Variants in ZNF292 observed in about 807,000 individuals in gnomAD.
ZNF292 encodes 16 zinc-finger domain protein.
A neutral mutation model predicts 217.9 loss-of-function variants in ZNF292; 26 were observed. That is an observed-to-expected ratio of 0.12 (90% CI 0.09 to 0.17). ZNF292 has a LOEUF of 0.17. Among genes scored for constraint, ZNF292 ranks in the 10% least tolerant of loss-of-function variants. The probability of loss-of-function intolerance (pLI) is 1.00; values close to 1 mark genes in which losing one functional copy is unlikely to be tolerated. For synonymous variants in ZNF292, 1,257 were observed against 1,124.1 expected (o/e 1.12, Z -2.37); for missense variants, 2,904 against 3,175.2 (o/e 0.91, Z 2.05).
At chr6:87,239,146 C>A (rs374215312) in intron 5 of ZNF292, among the ~76,000 whole-genome samples, 6 of 130,250 alleles carry the variant, frequency 4.6e-5, no homozygotes, top group Non-Finnish European at 8.4e-5. Flanking sequence ...CTTTTCTATT[C>A]GACAAAACCG....
intron 1 of ZNF292, among the ~76,000 whole-genome samples, chr6:87,188,282 G>A (rs1174082234): frequency 6.6e-6 from 1 of 152,156 alleles, no homozygotes; most frequent in Non-Finnish European, 1.5e-5. Context: ...GGAAACAGGT[G>A]TACAAATGGT....
chr6:87,165,458 A>G (rs1770883394), intron 1 of ZNF292, among the ~76,000 whole-genome samples: 1 of 152,186 alleles, frequency 6.6e-6, no homozygotes, highest in Non-Finnish European at 1.5e-5. Flanking sequence ...ACTTTATTTT[A>G]CTTCACCATT....
chr6:87,258,274 A>G lies in ZNF292; in HGVS notation c.4645A>G (p.Asn1549Asp), dbSNP rs376653416. 3 of 1,613,276 alleles carry G rather than the reference A, an allele frequency of 1.9e-6. No individual in the cohort carries two copies. The African/African-American group carries it at 4.0e-5, about 22-fold the overall frequency. ...ATGCCATCCAAACACCTTGCTGACC[A>G]ACCAGAATAGGACGTCAAACTCCAA... ...TVCHPNTLLT[N>D]QNRTSNSKTS... Residue 1549 changes from asparagine to aspartate, a missense_variant, in exon 8 of 8, where the codon AAC (asparagine) becomes GAC (aspartate). Physicochemically the swap from Asn to Asp is conservative, Grantham distance 23. This residue lies in a region of ZNF292 where 622 missense variants were observed against 573.1 expected (regional missense o/e 1.09). Coordinates refer to ENST00000369577, the MANE Select transcript of ZNF292 (RefSeq NM_015021.3).
intron 1 of ZNF292, among the ~76,000 whole-genome samples, chr6:87,167,500 G>A (rs572910132): frequency 2.6e-5 from 4 of 152,184 alleles, no homozygotes; most frequent in African/African-American, 4.8e-5. Flanking sequence ...AATTAGCTGG[G>A]CTTGGTGGCA....
intron 1 of ZNF292, among the ~76,000 whole-genome samples, chr6:87,208,503 G>A (rs80128938): frequency 6.6e-6 from 1 of 151,844 alleles, no homozygotes; most frequent in Non-Finnish European, 1.5e-5. Context: ...TTTGTTCGTA[G>A]ATGTAATATG....
In ZNF292 at chr6:87,260,392, G is replaced by A. The variant is rs373847168; in HGVS notation, c.6763G>A (p.Val2255Ile). The A allele has an allele frequency of 1.2e-6, 2 of 1,613,446 alleles. No individual in the cohort carries two copies. Among genetic ancestry groups the A allele is most frequent in the Non-Finnish European group, 1.7e-6 (2 of 1,179,686 alleles). The change falls in exon 8 of 8, where the codon GTA becomes ATA. Residue 2255 changes from valine (V) to isoleucine (I), a missense_variant. This residue lies in a region of ZNF292 where 55 missense variants were observed against 99.8 expected (regional missense o/e 0.55). Transcript: ENST00000369577. ...LRASKTEEDG[V>I]YKCDCEGCDR... is the part of the protein sequence containing the mutation. ...GGCAAGTAAAACAGAAGAAGATGGT[G>A]TATACAAATGTGATTGTGAAGGCTG...
intron 1 of ZNF292, among the ~76,000 whole-genome samples, chr6:87,205,095 A>G (rs73483769): frequency 0.082 from 12,406 of 152,052 alleles, 856 homozygotes; most frequent in African/African-American, 0.19. Flanking sequence ...GGCCCCAGAC[A>G]TGATATCTCT....
At chr6:87,219,071 T>C (rs1772939441) in intron 4 of ZNF292, among the ~76,000 whole-genome samples, 1 of 152,198 alleles carries the variant, frequency 6.6e-6, no homozygotes, top group Non-Finnish European at 1.5e-5. Context: ...TGAAATGCTT[T>C]TCCTCAAAAT....
chr6:87,243,553 G>A lies in ZNF292; in HGVS notation c.820G>A (p.Val274Ile), dbSNP rs1316573364. The A allele has an allele frequency of 2.6e-6, 4 of 1,559,920 alleles. No homozygotes were observed. The African/African-American group carries it at 4.1e-5, about 16-fold the overall frequency. Residue 274 changes from valine (V) to isoleucine (I), a missense_variant, in exon 6 of 8, where the codon GTT (valine) becomes ATT (isoleucine). Val to Ile is a conservative substitution (Grantham distance 29). Transcript: ENST00000369577. The part of the protein sequence containing the change: ...ESEGDEKSAL[V>I]LCTAFLSRQL... Reference sequence around the variant, plus strand: ...TGAGGGTGATGAAAAAAGCGCTCTTGTTTTATGTACTGCGTTTTTGTCACG... The same window carrying A: ...TGAGGGTGATGAAAAAAGCGCTCTTATTTTATGTACTGCGTTTTTGTCACG...
intron 1 of ZNF292, among the ~76,000 whole-genome samples, chr6:87,163,687 A>G (rs1416119310): frequency 1.3e-5 from 2 of 152,172 alleles, no homozygotes; most frequent in African/African-American, 4.8e-5. Flanking sequence ...TAAGAGAAGT[A>G]GAGCATCTTG....
chr6:87,238,457 G>T (rs1233263275), intron 5 of ZNF292, among the ~76,000 whole-genome samples: 3 of 150,276 alleles, frequency 2.0e-5, no homozygotes, highest in African/African-American at 7.4e-5. Flanking sequence ...TTGCACTCCA[G>T]CCTGGGTGAT....
In ZNF292 at chr6:87,245,552, A is replaced by C; in HGVS notation, c.928A>C (p.Ile310Leu). 1 of 1,560,410 alleles carries C rather than the reference A, an allele frequency of 6.4e-7. No individual in the cohort carries two copies. The highest frequency in any genetic ancestry group is 8.7e-7 in the Non-Finnish European group (1 of 1,152,462). ...SKLQQRVEPSIQVYLERCRQL... is the reference protein window; with the variant it reads ...SKLQQRVEPSLQVYLERCRQL... ...ATTACAACAAAGAGTAGAACCATCT[A>C]TACAAGTGTACCTTGAGAGGTGTCG... The change falls in exon 7 of 8, where the codon ATA becomes CTA. Residue 310 changes from isoleucine (I) to leucine (L), a missense_variant. By Grantham distance (5) the Ile-to-Leu change is conservative. This residue lies in a region of ZNF292 where 313 missense variants were observed against 451.0 expected (regional missense o/e 0.69). Coordinates refer to ENST00000369577, the MANE Select transcript of ZNF292 (RefSeq NM_015021.3).
At position 87,255,641 on chromosome 6, in the gene ZNF292, C is replaced by G; in HGVS notation, c.2012C>G (p.Pro671Arg). The change falls in exon 8 of 8, where the codon CCA (proline) becomes CGA (arginine). Residue 671 changes from proline (P) to arginine (R), a missense_variant. Pro to Arg is a moderately radical substitution (Grantham distance 103). Transcript: ENST00000369577. ...AAATCCTATGAGCCAGAAGTGATTC[C>G]AGTCCAGAAACCAGTACCTGTTAAT... ...KDKSYEPEVI[P>R]VQKPVPVNEF... is the part of the protein sequence containing the mutation. 6.2e-7 allele frequency: 1 copy of G among 1,612,906 alleles called. No individual in the cohort carries two copies. The highest frequency in any genetic ancestry group is 8.5e-7 in the Non-Finnish European group (1 of 1,179,388).
chr6:87,172,611 C>T (rs1386062369), intron 1 of ZNF292, among the ~76,000 whole-genome samples: 2 of 151,986 alleles, frequency 1.3e-5, no homozygotes, highest in Non-Finnish European at 2.9e-5. Flanking sequence ...TTTCTAAATG[C>T]AGAATAACAT....
chr6:87,212,163 A>G (rs1490851040), intron 1 of ZNF292, among the ~76,000 whole-genome samples: 1 of 152,198 alleles, frequency 6.6e-6, no homozygotes, highest in Non-Finnish European at 1.5e-5. Context: ...AAAGGATACA[A>G]ATGAACAGCC....
intron 5 of ZNF292, among the ~76,000 whole-genome samples, chr6:87,234,527 C>T (rs951170364): frequency 1.3e-5 from 2 of 151,578 alleles, no homozygotes; most frequent in African/African-American, 4.9e-5. Flanking sequence ...CCACTGCACT[C>T]CAGCCTGGGT....
At chr6:87,167,659 C>A (rs1218623129) in intron 1 of ZNF292, among the ~76,000 whole-genome samples, 3 of 152,034 alleles carry the variant, frequency 2.0e-5, no homozygotes, top group Non-Finnish European at 4.4e-5. Context: ...AAACAAAAAA[C>A]AAAAAACTTC....
Position 87,265,371 on chromosome 6 carries a change from A to C in ZNF292, c.*3570A>C, listed in dbSNP as rs1775776184. Among the ~76,000 whole-genome samples, 1 of 152,064 alleles carries C rather than the reference A, an allele frequency of 6.6e-6. No individual in the cohort carries two copies. The highest frequency in any genetic ancestry group is 1.5e-5 in the Non-Finnish European group (1 of 67,992). On this transcript the variant is annotated 3_prime_UTR_variant, in exon 8 of 8. Transcript: ENST00000369577. ...CTACCTCAGCCACCCAAGTAGGTGCACACCACCACACCTGGCTGATTTTAT... is the reference window on the plus strand; with the variant it reads ...CTACCTCAGCCACCCAAGTAGGTGCCCACCACCACACCTGGCTGATTTTAT...
chr6:87,231,360 A>G lies in ZNF292; in HGVS notation c.539-1965A>G, dbSNP rs574307594. 2.9e-4 allele frequency among the ~76,000 whole-genome samples: 44 copies of G among 152,276 alleles called. No homozygotes were observed. The Middle Eastern group carries it at 0.01, about 35-fold the overall frequency. ...AATTCTTTTTCTTACCTCACACTGT[A>G]TAAAGCTAGAAGTCAGAAGACTCAT... On this transcript the variant is annotated intron_variant, in intron 4 of 7. Coordinates refer to ENST00000369577, the MANE Select transcript of ZNF292 (RefSeq NM_015021.3).
Sources: gnomAD v4.1 joint callset for allele counts (sites outside exome capture counted in the v4.1 genomes callset) on GRCh38, gnomAD v4.1.1 for gene constraint, gnomAD v4.1.1 regional missense constraint, MANE v1.5 for transcripts, NCBI Gene and HGNC (gene_info 2026-07-23, HGNC 2026-07-21) for gene names.